CCDC171: variants seen among roughly 807,000 people sequenced by gnomAD.
The protein encoded by CCDC171 is coiled-coil domain-containing protein 171.
Under a neutral mutation model 168.2 loss-of-function variants are expected in CCDC171, and 177 were observed. That is an observed-to-expected ratio of 1.05 (90% CI 0.93 to 1.19). The LOEUF (loss-of-function observed/expected upper bound fraction) is 1.19. CCDC171 is among the 50% of genes most tolerant of loss of function. The pLI is 0.00. For missense variants in CCDC171, 1,991 were observed against 1,539.0 expected, an observed-to-expected ratio of 1.29 and a Z score of -4.91; for synonymous variants, 687 against 540.8, an observed-to-expected ratio of 1.27 and a Z score of -3.75.
At chr9:15,982,538 A>G (rs901301649) in intron 3 of CCDC171, among the ~76,000 whole-genome samples, 1 of 152,154 alleles carries the variant, frequency 6.6e-6, no homozygotes, top group African/African-American at 2.4e-5. Context: ...GGGATAATTC[A>G]TGGAACCTGA....
At chr9:15,648,515 A>G (rs142522616) in intron 7 of CCDC171, among the ~76,000 whole-genome samples, 89 of 152,346 alleles carry the variant, frequency 5.8e-4, no homozygotes, top group African/African-American at 2.0e-3. Flanking sequence ...TCTCAGCCCA[A>G]AATCTCCTTA....
the CCDC171 span, among the ~76,000 whole-genome samples, chr9:16,068,241 A>C: frequency 9.2e-5 from 14 of 151,426 alleles, no homozygotes; most frequent in African/African-American, 3.4e-4. Flanking sequence ...CTAGGAATCC[A>C]ACTTATAAGG....
chr9:16,011,435 C>G (rs1399393227), intron 3 of CCDC171, among the ~76,000 whole-genome samples: 1 of 151,952 alleles, frequency 6.6e-6, no homozygotes, highest in Non-Finnish European at 1.5e-5. Flanking sequence ...GCAAAATTCT[C>G]TTAGAGATGA....
intron 4 of CCDC171, among the ~76,000 whole-genome samples, 197 bp downstream of exon 4, chr9:15,579,220 A>AT (rs2040925152): frequency 6.6e-6 from 1 of 152,144 alleles, no homozygotes; most frequent in African/African-American, 2.4e-5. Flanking sequence ...CTTTACATTG[A>AT]TTTTTTTATG....
intron 20 of CCDC171, among the ~76,000 whole-genome samples, chr9:15,781,596 A>G (rs1219316122): frequency 6.6e-6 from 1 of 152,046 alleles, no homozygotes; most frequent in African/African-American, 2.4e-5. Context: ...TATTTTTAGT[A>G]GAGACAGGGT....
intron 1 of CCDC171, among the ~76,000 whole-genome samples, chr9:16,045,977 G>A (rs1414954165): frequency 6.6e-6 from 1 of 152,150 alleles, no homozygotes; most frequent in Admixed American, 6.5e-5. Context: ...TAGGAGGGAG[G>A]CAATTTCCTT....
chr9:15,622,868 A>G (rs2044614039), intron 6 of CCDC171, among the ~76,000 whole-genome samples: 1 of 152,216 alleles, frequency 6.6e-6, no homozygotes, highest in Non-Finnish European at 1.5e-5. Flanking sequence ...TATAAACATT[A>G]TTAGGCATTC....
chr9:15,694,172 C>T (rs1012162191), intron 10 of CCDC171, among the ~76,000 whole-genome samples: 7 of 152,002 alleles, frequency 4.6e-5, no homozygotes, highest in Non-Finnish European at 8.8e-5. Context: ...GACTTCTTTT[C>T]TAACTATTAA....
chr9:16,000,825 T>C (rs1832519340), intron 3 of CCDC171, among the ~76,000 whole-genome samples: 1 of 152,136 alleles, frequency 6.6e-6, no homozygotes, highest in African/African-American at 2.4e-5. Flanking sequence ...CCTGCTAAAA[T>C]CCACTTATTC....
chr9:15,650,575 G>T (rs1314887118), intron 7 of CCDC171, among the ~76,000 whole-genome samples: 1 of 151,954 alleles, frequency 6.6e-6, no homozygotes, highest in Non-Finnish European at 1.5e-5. Context: ...ATTTTGAGTT[G>T]TCCTTTTATC....
intron 25 of CCDC171, 34 bp from the exon 26 acceptor site, chr9:15,971,575 T>C (rs1831357841): frequency 3.4e-6 from 5 of 1,479,310 alleles, no homozygotes; most frequent in Middle Eastern, 1.7e-4. Context: ...TTTTCAACTC[T>C]ATGTTTATTA....
chr9:16,104,803 TGA>T, the CCDC171 span, among the ~76,000 whole-genome samples: 1 of 152,040 alleles, frequency 6.6e-6, no homozygotes, highest in Non-Finnish European at 1.5e-5. Flanking sequence ...GCTAGGCACT[TGA>T]GAGAGAATGA....
chr9:15,604,954 G>C (rs115831801), intron 6 of CCDC171, among the ~76,000 whole-genome samples: 3,034 of 152,202 alleles, frequency 0.02, 107 homozygotes, highest in African/African-American at 0.07. Context: ...GTCTCACTCT[G>C]TTGCCCATGT....
chr9:15,584,729 T>C (rs901162816), intron 4 of CCDC171, among the ~76,000 whole-genome samples: 2 of 152,164 alleles, frequency 1.3e-5, no homozygotes, highest in Non-Finnish European at 2.9e-5. Context: ...GTGAAAAATA[T>C]TCAGCATACC....
intron 21 of CCDC171, among the ~76,000 whole-genome samples, chr9:15,821,996 C>T (rs181204092): frequency 1.4e-3 from 216 of 151,994 alleles, no homozygotes; most frequent in Non-Finnish European, 2.8e-3. Flanking sequence ...ATATAGACCC[C>T]GGAACACAAC....
chr9:16,059,809 T>C (rs2987091), intron 1 of CCDC171, among the ~76,000 whole-genome samples: 60,160 of 150,914 alleles, frequency 0.4, 13,223 homozygotes, highest in African/African-American at 0.59. Context: ...CCACCGCGCC[T>C]GGCCTTTTTT....
the CCDC171 span, among the ~76,000 whole-genome samples, chr9:16,103,700 C>T: frequency 6.6e-6 from 1 of 152,142 alleles, no homozygotes. Context: ...TGGGAATTGG[C>T]CTGCAGAACA....
At chr9:15,837,167 A>G (rs1440228338) in intron 21 of CCDC171, among the ~76,000 whole-genome samples, 1 of 152,180 alleles carries the variant, frequency 6.6e-6, no homozygotes, top group Admixed American at 6.5e-5. Context: ...GTTGTTTAAG[A>G]AAATTTGAAC....
chr9:15,691,664 A>G (rs2050806607), intron 10 of CCDC171, among the ~76,000 whole-genome samples: 1 of 150,580 alleles, frequency 6.6e-6, no homozygotes, highest in Non-Finnish European at 1.5e-5. Flanking sequence ...AGACTTATTT[A>G]TGTTGTATTG....
Sources: allele counts gnomAD v4.1 joint callset (sites outside exome capture counted in the v4.1 genomes callset), GRCh38; gene constraint gnomAD v4.1.1; transcripts MANE v1.5; gene names NCBI Gene and HGNC (gene_info 2026-07-23, HGNC 2026-07-21).